The following BLOC1S5 variants were observed in gnomAD, a reference collection of about 807,000 sequenced individuals.
BLOC1S5 encodes the protein biogenesis of lysosomal organelles complex 1 subunit 5, also known as biogenesis of lysosome-related organelles complex 1 subunit 5.
Under a neutral mutation model 24.3 loss-of-function variants are expected in BLOC1S5, and 27 were observed. That is an observed-to-expected ratio of 1.11 (90% CI 0.82 to 1.53). BLOC1S5 has a LOEUF of 1.53. Ranked by LOEUF, BLOC1S5 falls within the 40% of genes most tolerant of loss-of-function variation. The pLI is 0.00. For missense variants in BLOC1S5, 239 were observed against 229.4 expected (o/e 1.04, Z -0.27); for synonymous variants, 84 against 74.5 (o/e 1.13, Z -0.66).
intron 4 of BLOC1S5, among the ~76,000 whole-genome samples, chr6:8,016,076 A>C (rs1762721941): frequency 1.3e-5 from 2 of 152,280 alleles, no homozygotes; most frequent in Admixed American, 1.3e-4. Context: ...CTGTAATCCC[A>C]GCATTCTGGG....
chr6:8,023,184 C>T (rs934987875), intron 4 of BLOC1S5, among the ~76,000 whole-genome samples: 3 of 152,158 alleles, frequency 2.0e-5, no homozygotes, highest in Admixed American at 6.6e-5. Context: ...TTCACTATTC[C>T]TATTGCTAAT....
chr6:8,016,654 G>A (rs1038519010), intron 4 of BLOC1S5, among the ~76,000 whole-genome samples: 1 of 151,994 alleles, frequency 6.6e-6, no homozygotes, highest in South Asian at 2.1e-4. Context: ...ATCACCTGAG[G>A]TCAGGAGTTC....
At chr6:8,041,655 C>CTTTTTTTTTTTTT (rs1554139177) in intron 2 of BLOC1S5, among the ~76,000 whole-genome samples, 1,672 of 111,726 alleles carry the variant, frequency 0.015, 97 homozygotes, top group African/African-American at 0.049. Context: ...TTCTTTCTTT[C>CTTTTTTTTTTTTT]TTTTTTTTTG....
chr6:8,049,449 C>T (rs917866124), intron 2 of BLOC1S5, among the ~76,000 whole-genome samples: 2 of 151,860 alleles, frequency 1.3e-5, no homozygotes, highest in African/African-American at 4.8e-5. Flanking sequence ...AAAACACAGG[C>T]TTTTTTCTGT....
At chr6:8,031,386 C>CA (rs986448537) in intron 3 of BLOC1S5, among the ~76,000 whole-genome samples, 8 of 151,900 alleles carry the variant, frequency 5.3e-5, no homozygotes, top group African/African-American at 1.2e-4. Context: ...AGAATAGCTG[C>CA]AAAAAAAGCA....
At chr6:8,038,357 G>C (rs1763558283) in intron 3 of BLOC1S5, among the ~76,000 whole-genome samples, 2 of 152,032 alleles carry the variant, frequency 1.3e-5, no homozygotes, top group African/African-American at 4.8e-5. Context: ...TATTTCAAAA[G>C]AGACATTTCT....
At chr6:8,024,514 CAAAAAAAAAAAA>C (rs60853006) in intron 4 of BLOC1S5, among the ~76,000 whole-genome samples, 12 of 65,788 alleles carry the variant, frequency 1.8e-4, no homozygotes, top group Non-Finnish European at 2.2e-4. Flanking sequence ...GACTCCATCT[CAAAAAAAAAAAA>C]AAAAAAAAAG....
chr6:8,038,260 C>G (rs1242362438), intron 3 of BLOC1S5, among the ~76,000 whole-genome samples: 1 of 152,124 alleles, frequency 6.6e-6, no homozygotes, highest in Non-Finnish European at 1.5e-5. Context: ...CATCTGACAA[C>G]AGATTAATAA....
Position 8,036,953 on chromosome 6 carries a change from T to C in BLOC1S5, c.325+4186A>G, listed in dbSNP as rs138902843. On this transcript the variant is annotated intron_variant, in intron 3 of 4. Transcript: ENST00000397457. ...GATAAAATCCAACTTTCCTTTATGA[T>C]AAAAACTCTCAACAAACTGGGTATA... is the stretch of plus-strand genomic sequence containing the variant. Among the ~76,000 whole-genome samples the C allele has an allele frequency of 3.3e-5, 5 of 152,264 alleles. No individual in the cohort carries two copies. The East Asian group carries it at 7.7e-4, about 24-fold the overall frequency.
intron 3 of BLOC1S5, among the ~76,000 whole-genome samples, chr6:8,038,479 TTTAA>T (rs56331411): frequency 6.6e-5 from 10 of 151,700 alleles, no homozygotes; most frequent in African/African-American, 9.7e-5. Context: ...TAAAATGGCT[TTTAA>T]TTAATTAATT....
Position 8,062,593 on chromosome 6 carries a change from G to A in BLOC1S5, c.136C>T (p.Leu46Phe). The A allele has an allele frequency of 6.2e-7, 1 of 1,602,472 alleles. No individual in the cohort carries two copies. Among genetic ancestry groups the A allele is most frequent in the Non-Finnish European group, 8.5e-7 (1 of 1,172,870 alleles). ...IKDLGEIHSR[L>F]LDHRPVIQGE... ...TGAATAACTGGTCTGTGATCCAAAA[G>A]CCTTGAATGAATTTCTCCAAGATCT... Residue 46 changes from leucine to phenylalanine, a missense_variant, in exon 2 of 5, where the codon CTT becomes TTT. Transcript: ENST00000397457.
At chr6:8,049,501 A>T (rs2113584278) in intron 2 of BLOC1S5, among the ~76,000 whole-genome samples, 1 of 152,276 alleles carries the variant, frequency 6.6e-6, no homozygotes, top group Admixed American at 6.5e-5. Flanking sequence ...TAAATTTAAA[A>T]TTTAAATTAT....
chr6:8,063,759 A>C (rs1757341271), intron 1 of BLOC1S5, among the ~76,000 whole-genome samples: 1 of 152,192 alleles, frequency 6.6e-6, no homozygotes. Context: ...AGCTCAAAGC[A>C]CACAGAACAC....
At chr6:8,034,572 T>C (rs1409227401) in intron 3 of BLOC1S5, among the ~76,000 whole-genome samples, 1 of 152,180 alleles carries the variant, frequency 6.6e-6, no homozygotes, top group Non-Finnish European at 1.5e-5. Flanking sequence ...CATATATACC[T>C]ATGTATCAAA....
At chr6:8,051,184 CA>C (rs35217854) in intron 2 of BLOC1S5, among the ~76,000 whole-genome samples, 45 of 139,974 alleles carry the variant, frequency 3.2e-4, no homozygotes, top group Non-Finnish European at 4.0e-4. Flanking sequence ...GATTCCATCT[CA>C]AAAAAAAAAA....
At chr6:8,045,866 G>A (rs1396966233) in intron 2 of BLOC1S5, among the ~76,000 whole-genome samples, 1 of 152,194 alleles carries the variant, frequency 6.6e-6, no homozygotes, top group Non-Finnish European at 1.5e-5. Flanking sequence ...AGGCTTACAG[G>A]TGAAAGGGAC....
chr6:8,015,616 C>G lies in BLOC1S5; in HGVS notation c.*33G>C, dbSNP rs1238551697. On this transcript the variant is annotated 3_prime_UTR_variant, in exon 5 of 5. Coordinates refer to ENST00000397457, the MANE Select transcript of BLOC1S5 (RefSeq NM_201280.3). ...TTTTCAGGAGAGAGGTGAACATCTTCTCATTAGTTTGTGATTGTTGTGGTT... is the reference window on the plus strand; with the variant it reads ...TTTTCAGGAGAGAGGTGAACATCTTGTCATTAGTTTGTGATTGTTGTGGTT... The G allele has an allele frequency of 1.3e-6, 2 of 1,591,746 alleles. No homozygotes were observed. Among genetic ancestry groups the G allele is most frequent in the African/African-American group, 2.7e-5 (2 of 74,244 alleles).
intron 3 of BLOC1S5, among the ~76,000 whole-genome samples, chr6:8,038,387 A>T (rs1299495396): frequency 6.6e-6 from 1 of 152,056 alleles, no homozygotes; most frequent in Non-Finnish European, 1.5e-5. Context: ...TAAAATGGCC[A>T]ACAGGAATAT....
intron 3 of BLOC1S5, among the ~76,000 whole-genome samples, chr6:8,033,754 T>C (rs550654075): frequency 6.6e-6 from 1 of 152,004 alleles, no homozygotes; most frequent in African/African-American, 2.4e-5. Flanking sequence ...ATATCCAGAA[T>C]CTACAAAGAA....
Sources: allele counts gnomAD v4.1 joint callset (sites outside exome capture counted in the v4.1 genomes callset), GRCh38; gene constraint gnomAD v4.1.1; transcripts MANE v1.5; gene names NCBI Gene and HGNC (gene_info 2026-07-23, HGNC 2026-07-21).